PARD3: variants seen among roughly 807,000 people sequenced by gnomAD.
The protein encoded by PARD3 is par-3 family cell polarity regulator, also known as partitioning defective 3 homolog.
PARD3 carries 75 observed loss-of-function variants against 155.4 expected under a neutral mutation model. That is an observed-to-expected ratio of 0.48 (90% CI 0.40 to 0.58). The LOEUF is 0.58. Ranked by LOEUF, PARD3 falls within the 20% of genes least tolerant of loss-of-function variation. The pLI is 0.00. For missense variants in PARD3, 1,642 were observed against 1,721.7 expected (o/e 0.95, Z 0.82); for synonymous variants, 576 against 610.5 (o/e 0.94, Z 0.83).
At chr10:34,546,813 T>A (rs1266213306) in intron 2 of PARD3, among the ~76,000 whole-genome samples, 1 of 152,234 alleles carries the variant, frequency 6.6e-6, no homozygotes, top group Non-Finnish European at 1.5e-5. Flanking sequence ...AGCTATTTAA[T>A]GTATTCTTTA....
chr10:34,254,031 A>G (rs753588327), intron 22 of PARD3, among the ~76,000 whole-genome samples: 37 of 152,174 alleles, frequency 2.4e-4, no homozygotes, highest in Admixed American at 9.2e-4. Flanking sequence ...ACTTCCCACA[A>G]TATAATATAC....
intron 1 of PARD3, among the ~76,000 whole-genome samples, chr10:34,711,957 C>T (rs1283869219): frequency 1.3e-5 from 2 of 152,200 alleles, no homozygotes; most frequent in African/African-American, 4.8e-5. Context: ...ACACTCTTCC[C>T]TTGCAATGAA....
intron 22 of PARD3, among the ~76,000 whole-genome samples, chr10:34,139,555 T>G (rs929057374): frequency 2.6e-5 from 4 of 152,150 alleles, no homozygotes; most frequent in South Asian, 2.1e-4. Flanking sequence ...AGTCCAAACT[T>G]CAGCTATTTC....
At chr10:34,772,221 G>A (rs145121525) in intron 1 of PARD3, among the ~76,000 whole-genome samples, 3,668 of 151,766 alleles carry the variant, frequency 0.024, 129 homozygotes, top group African/African-American at 0.083. Flanking sequence ...TCAGGAGTTC[G>A]AGACCAGCCT....
chr10:34,330,656 A>G (rs1484946441), intron 19 of PARD3, among the ~76,000 whole-genome samples: 3 of 152,190 alleles, frequency 2.0e-5, no homozygotes, highest in Non-Finnish European at 4.4e-5. Flanking sequence ...TAACTTTTTT[A>G]TATGTGGATT....
chr10:34,201,671 A>G (rs1951218854), intron 22 of PARD3, among the ~76,000 whole-genome samples: 1 of 152,196 alleles, frequency 6.6e-6, no homozygotes, highest in Non-Finnish European at 1.5e-5. Flanking sequence ...GTTAAAATTC[A>G]AGGAGTTGTT....
chr10:34,768,705 G>C (rs1428865106), intron 1 of PARD3, among the ~76,000 whole-genome samples: 1 of 152,192 alleles, frequency 6.6e-6, no homozygotes, highest in Non-Finnish European at 1.5e-5. Context: ...GAGTGAAAAA[G>C]AGAAGGGAAA....
intron 22 of PARD3, among the ~76,000 whole-genome samples, chr10:34,248,761 C>A (rs1229247118): frequency 6.6e-6 from 1 of 152,174 alleles, no homozygotes; most frequent in African/African-American, 2.4e-5. Context: ...ATACTGAAAA[C>A]TTCTTCCAGA....
chr10:34,785,973 G>A (rs7907947), intron 1 of PARD3, among the ~76,000 whole-genome samples: 53,636 of 151,966 alleles, frequency 0.35, 10,604 homozygotes, highest in African/African-American at 0.55. Flanking sequence ...GGGTGACAGA[G>A]TAAGACCCTG....
chr10:34,633,635 C>T (rs948082075), intron 2 of PARD3, among the ~76,000 whole-genome samples: 2 of 152,194 alleles, frequency 1.3e-5, no homozygotes, highest in African/African-American at 4.8e-5. Context: ...CTGCAACAAA[C>T]ACGGGTGTGG....
intron 3 of PARD3, among the ~76,000 whole-genome samples, chr10:34,513,230 T>C (rs1479746454): frequency 6.6e-6 from 1 of 152,178 alleles, no homozygotes; most frequent in African/African-American, 2.4e-5. Flanking sequence ...AGTATGCATC[T>C]AGTTTCTATT....
chr10:34,811,120 T>C (rs1331238330), intron 1 of PARD3, among the ~76,000 whole-genome samples: 1 of 152,158 alleles, frequency 6.6e-6, no homozygotes, highest in Non-Finnish European at 1.5e-5. Context: ...CAGCAACCTT[T>C]ATTTAGAATG....
intron 4 of PARD3, among the ~76,000 whole-genome samples, chr10:34,463,300 G>C (rs1408472684): frequency 8.1e-6 from 1 of 123,164 alleles, no homozygotes; most frequent in Non-Finnish European, 1.7e-5. Context: ...ACAAGAAAGG[G>C]GAGGGGAAAG....
At chr10:34,673,593 A>G (rs1437817194) in intron 2 of PARD3, among the ~76,000 whole-genome samples, 1 of 152,202 alleles carries the variant, frequency 6.6e-6, no homozygotes, top group African/African-American at 2.4e-5. Flanking sequence ...TTACTCCTTT[A>G]GGGCTGGGGT....
chr10:34,111,608 G>C (rs1946386191), intron 24 of PARD3, 46 bp from the exon 25 acceptor site: 2 of 1,496,650 alleles, frequency 1.3e-6, no homozygotes, highest in Admixed American at 2.1e-5. Flanking sequence ...GGAAGAAGGA[G>C]GGAGAGGGAG....
At chr10:34,720,220 T>C (rs1033496352) in intron 1 of PARD3, among the ~76,000 whole-genome samples, 7 of 152,198 alleles carry the variant, frequency 4.6e-5, no homozygotes, top group South Asian at 2.1e-4. Context: ...ATCGCCTGAG[T>C]GTCAGGCGTT....
chr10:34,381,499 A>G (rs1354919031), intron 9 of PARD3, among the ~76,000 whole-genome samples: 1 of 152,198 alleles, frequency 6.6e-6, no homozygotes, highest in East Asian at 1.9e-4. Flanking sequence ...TTTGCACTCA[A>G]CTTTGAAGGA....
intron 1 of PARD3, among the ~76,000 whole-genome samples, chr10:34,702,499 T>C (rs1366737540): frequency 2.0e-5 from 3 of 152,158 alleles, no homozygotes; most frequent in Non-Finnish European, 4.4e-5. Context: ...TCCCAGCCCC[T>C]GGCGGCTCAC....
At chr10:34,646,454 C>CATTTA (rs2092840973) in intron 2 of PARD3, among the ~76,000 whole-genome samples, 1 of 152,144 alleles carries the variant, frequency 6.6e-6, no homozygotes, top group Admixed American at 6.5e-5. Flanking sequence ...TAAATGATAG[C>CATTTA]AATGCTATAA....
Sources: gnomAD v4.1 joint callset for allele counts (sites outside exome capture counted in the v4.1 genomes callset) on GRCh38, gnomAD v4.1.1 for gene constraint, MANE v1.5 for transcripts, NCBI Gene and HGNC (gene_info 2026-07-23, HGNC 2026-07-21) for gene names.